Variants in TNFSF12 observed in about 807,000 individuals in gnomAD.
TNFSF12 encodes the protein tumor necrosis factor ligand superfamily member 12.
TNFSF12 carries 16 observed loss-of-function variants against 31.2 expected under a neutral mutation model. The ratio of observed to expected loss-of-function variants is 0.51; its 90% CI spans 0.35 to 0.78. TNFSF12 has a LOEUF of 0.78. Among genes scored for constraint, TNFSF12 ranks in the 30% least tolerant of loss-of-function variants. TNFSF12 has a pLI of 0.01. For missense variants in TNFSF12, 324 were observed against 338.8 expected (o/e 0.96, Z 0.34); for synonymous variants, 150 against 151.4 (o/e 0.99, Z 0.07).
intron 5 of TNFSF12, among the ~76,000 whole-genome samples, chr17:7,552,475 G>T (rs562960234): frequency 6.6e-6 from 1 of 152,084 alleles, no homozygotes; most frequent in East Asian, 1.9e-4. Flanking sequence ...TTATAGGCGG[G>T]TGCCACCACA....
intron 5 of TNFSF12, among the ~76,000 whole-genome samples, chr17:7,552,905 A>G (rs1265542400): frequency 6.6e-6 from 1 of 152,140 alleles, no homozygotes; most frequent in Non-Finnish European, 1.5e-5. Flanking sequence ...GGGTTTGGTA[A>G]CGTGAAAGTC....
intron 5 of TNFSF12, among the ~76,000 whole-genome samples, chr17:7,555,484 T>C (rs1597827270): frequency 6.6e-6 from 1 of 151,996 alleles, no homozygotes; most frequent in Non-Finnish European, 1.5e-5. Context: ...GGCCACACGG[T>C]GGCATGTGGG....
chr17:7,551,710 A>C (rs2071003193), intron 5 of TNFSF12, among the ~76,000 whole-genome samples: 1 of 152,214 alleles, frequency 6.6e-6, no homozygotes, highest in Non-Finnish European at 1.5e-5. Context: ...GGATGGGTTC[A>C]GCCTGTGTCC....
In TNFSF12 at chr17:7,557,104, C is replaced by T. The variant is rs936215240; in HGVS notation, c.504C>T (p.His168=). 5 of 1,610,846 alleles carry T rather than the reference C, an allele frequency of 3.1e-6. No homozygotes were observed. Among genetic ancestry groups the T allele is most frequent in the Non-Finnish European group, 4.2e-6 (5 of 1,177,924 alleles). The part of the protein sequence containing the change: ...AGLYYLYCQV[H]FDEGKAVYLK... ...GCCTGTTGTCCCCACCCCAGGTGCA[C>T]TTTGATGAGGGGAAGGCTGTCTACC... The change falls in exon 7 of 7, where the codon CAC becomes CAT. Residue 168 remains histidine, a synonymous_variant. Coordinates refer to ENST00000293825, the MANE Select transcript of TNFSF12 (RefSeq NM_003809.3). The surrounding 1 kb of genome is among the most constrained non-coding windows in gnomAD (Gnocchi z 5.2).
chr17:7,555,972 C>CGTTTTTT (rs1366312147), intron 5 of TNFSF12, among the ~76,000 whole-genome samples: 2,017 of 14,344 alleles, frequency 0.14, 138 homozygotes, highest in African/African-American at 0.21. Context: ...GCCCAGTGAG[C>CGTTTTTT]GTTTTTTTTG....
intron 5 of TNFSF12, among the ~76,000 whole-genome samples, chr17:7,554,536 C>T (rs1329244993): frequency 2.7e-5 from 4 of 149,926 alleles, no homozygotes; most frequent in East Asian, 3.9e-4. Context: ...AGGATGGTCT[C>T]GATCTCCTGA....
At chr17:7,553,039 T>C (rs1237584052) in intron 5 of TNFSF12, among the ~76,000 whole-genome samples, 7 of 77,016 alleles carry the variant, frequency 9.1e-5, no homozygotes, top group South Asian at 5.2e-4. Context: ...TTTTTTTTTT[T>C]TTTTTTTTTT....
At position 7,549,222 on chromosome 17, in the gene TNFSF12, G is replaced by A. The variant is rs1300908179; in HGVS notation, c.69G>A (p.Pro23=). The part of the protein sequence containing the change: ...RGEPGTALLV[P]LALGLGLALA... Reference sequence around the variant, plus strand: ...AGCCGGGCACCGCCCTGCTGGTCCCGCTCGCGCTGGGCCTGGGCCTGGCGC... The same window carrying A: ...AGCCGGGCACCGCCCTGCTGGTCCCACTCGCGCTGGGCCTGGGCCTGGCGC... The change falls in exon 1 of 7, where the codon CCG becomes CCA. Residue 23 remains proline, a synonymous_variant. Coordinates refer to ENST00000293825, the MANE Select transcript of TNFSF12 (RefSeq NM_003809.3). The surrounding 1 kb of genome is among the most constrained non-coding windows in gnomAD (Gnocchi z 4.1). The A allele has an allele frequency of 5.2e-6, 7 of 1,357,728 alleles. No individual in the cohort carries two copies. In the East Asian group the frequency reaches 1.5e-4, roughly 30 times the overall value. 84.1% of individuals were successfully genotyped at this position (1,357,728 alleles called of 1,614,324 possible).
chr17:7,553,023 C>CTTTTTTTTTT (rs71159509), intron 5 of TNFSF12, among the ~76,000 whole-genome samples: 8 of 66,096 alleles, frequency 1.2e-4, no homozygotes, highest in African/African-American at 4.3e-4. Context: ...CAGGGACAAC[C>CTTTTTTTTTT]TTTTTTTTTT....
chr17:7,555,414 G>A (rs2071049666), intron 5 of TNFSF12, among the ~76,000 whole-genome samples: 1 of 152,196 alleles, frequency 6.6e-6, no homozygotes, highest in Admixed American at 6.5e-5. Context: ...TAAGTTCAGC[G>A]TGGCAGAAGC....
Position 7,550,811 on chromosome 17 carries a change from G to A in TNFSF12, c.296G>A (p.Arg99Gln), listed in dbSNP as rs770131727. 1.4e-5 allele frequency: 22 copies of A among 1,611,066 alleles called. No individual in the cohort carries two copies. Among genetic ancestry groups the A allele is most frequent in the Admixed American group, 5.0e-5 (3 of 59,908 alleles). ...VRPRRSAPKG[R>Q]KTRARRAIAA... ...CCTTGATCCTCAGCACCTAAAGGCCGGAAAACACGGGCTCGAAGAGCGATC... is the reference window on the plus strand; with the variant it reads ...CCTTGATCCTCAGCACCTAAAGGCCAGAAAACACGGGCTCGAAGAGCGATC... The change falls in exon 4 of 7, where the codon CGG becomes CAG. Residue 99 changes from arginine (R) to glutamine (Q), a missense_variant. By Grantham distance (43) the Arg-to-Gln change is conservative. Coordinates refer to ENST00000293825, the MANE Select transcript of TNFSF12 (RefSeq NM_003809.3). The surrounding 1 kb of genome is among the most constrained non-coding windows in gnomAD (Gnocchi z 4.4).
intron 6 of TNFSF12, 68 bp downstream of exon 6, chr17:7,556,970 G>C: frequency 6.5e-7 from 1 of 1,529,862 alleles, no homozygotes; most frequent in Non-Finnish European, 8.8e-7. Context: ...GGAGAGTGGG[G>C]GACAAGCTAC....
Position 7,557,519 on chromosome 17 carries a change from G to A in TNFSF12, c.*169G>A, listed in dbSNP as rs1225515773. On this transcript the variant is annotated 3_prime_UTR_variant, in exon 7 of 7. Transcript: ENST00000293825. This position sits in a 1 kb window ranked among gnomAD's most constrained non-coding sequence, Gnocchi z 5.2. ...GTGTTTTCCATCCCACATAAATACAGTATTCCCACTCTTATCTTACAACTC... is the reference window on the plus strand; with the variant it reads ...GTGTTTTCCATCCCACATAAATACAATATTCCCACTCTTATCTTACAACTC... 7.7e-6 allele frequency: 7 copies of A among 906,150 alleles called. No homozygotes were observed. The highest frequency in any genetic ancestry group is 2.8e-5 in the East Asian group (1 of 36,150). 56.1% of individuals were successfully genotyped at this position (906,150 alleles called of 1,614,324 possible).
At chr17:7,554,625 ATT>A (rs950923773) in intron 5 of TNFSF12, among the ~76,000 whole-genome samples, 1 of 112,516 alleles carries the variant, frequency 8.9e-6, no homozygotes, top group African/African-American at 3.5e-5. Flanking sequence ...GGTCAGACCC[ATT>A]TTTTTTTTTG....
At chr17:7,553,965 A>G (rs563228378) in intron 5 of TNFSF12, 231 of 892,322 alleles carry the variant, frequency 2.6e-4, no homozygotes, top group Non-Finnish European at 3.1e-4. Flanking sequence ...TATGAAAGCA[A>G]GCTTCGTGGG....
intron 5 of TNFSF12, among the ~76,000 whole-genome samples, chr17:7,555,400 A>C (rs1043766371): frequency 2.6e-5 from 4 of 152,008 alleles, no homozygotes; most frequent in Non-Finnish European, 5.9e-5. Context: ...AGGCTGGGGG[A>C]CTCTAAGTTC....
At chr17:7,551,363 C>A (rs1019056582) in intron 5 of TNFSF12, among the ~76,000 whole-genome samples, 2 of 152,110 alleles carry the variant, frequency 1.3e-5, no homozygotes, top group Admixed American at 1.3e-4. Context: ...GACCTCAGAA[C>A]CTCAAATCCA....
chr17:7,556,695 G>A (rs1597828565), intron 5 of TNFSF12, 83 bp from the exon 6 acceptor site: 12 of 1,373,400 alleles, frequency 8.7e-6, no homozygotes, highest in South Asian at 2.2e-5. Flanking sequence ...GGCGCCGAAT[G>A]TTCATATGCT....
rs1000442012 is a variant in TNFSF12 at position 7,549,768 on chromosome 17, T to C, written c.207+247T>C. ...TTATTGGCTGGGGGTGACGTGGTTG[T>C]ATAAGATATGTGAGTCTGCGTGGAA... On this transcript the variant is annotated intron_variant, in intron 2 of 6. Transcript: ENST00000293825. The surrounding 1 kb of genome is among the most constrained non-coding windows in gnomAD (Gnocchi z 4.1). 2 of 640,278 alleles carry C rather than the reference T, an allele frequency of 3.1e-6. No individual in the cohort carries two copies. The highest frequency in any genetic ancestry group is 2.3e-5 in the South Asian group (1 of 43,762). The allele number at this position is 640,278 out of a possible 1,614,324, so 39.7% of individuals were successfully genotyped here. A position where few individuals can be genotyped will look rare whatever the true frequency, so the allele number is the denominator to read the frequency against.
Sources: gnomAD v4.1 joint callset for allele counts (sites outside exome capture counted in the v4.1 genomes callset) on GRCh38, gnomAD v4.1.1 for gene constraint, Gnocchi (gnomAD v3.1) non-coding constraint, MANE v1.5 for transcripts, NCBI Gene and HGNC (gene_info 2026-07-23, HGNC 2026-07-21) for gene names.